Variants in RBFOX3 observed in about 807,000 individuals in gnomAD.
The protein encoded by RBFOX3 is RNA binding fox-1 homolog 3.
Under a neutral mutation model 48.7 loss-of-function variants are expected in RBFOX3, and 17 were observed. That is an observed-to-expected ratio of 0.35 (90% CI 0.24 to 0.52). RBFOX3 has a LOEUF of 0.52. RBFOX3 is among the 20% of genes least tolerant of loss of function. RBFOX3 has a pLI of 0.94. For missense variants in RBFOX3, 382 were observed against 497.5 expected (o/e 0.77, Z 2.21); for synonymous variants, 212 against 209.5 (o/e 1.01, Z -0.10).
At position 79,225,103 on chromosome 17, in the gene RBFOX3, A is replaced by G. The variant is rs756957718; in HGVS notation, c.-34+10663T>C. ...TTCACACACGTCACCTATGCAAAAC[A>G]TGCCCCTGCCTTTCCACCATCCAGT... On this transcript the variant is annotated intron_variant, in intron 4 of 14. Coordinates refer to ENST00000693108, the MANE Select transcript of RBFOX3 (RefSeq NM_001350451.2). Among the ~76,000 whole-genome samples the G allele has an allele frequency of 1.1e-4, 16 of 152,110 alleles. 1 individual carries two copies. The highest frequency in any genetic ancestry group is 8.3e-4 in the South Asian group (4 of 4,830).
chr17:79,350,150 G>A (rs1049379382), intron 2 of RBFOX3, among the ~76,000 whole-genome samples: 3 of 152,168 alleles, frequency 2.0e-5, no homozygotes, highest in African/African-American at 7.2e-5. Context: ...CCCTGTCCGT[G>A]GCATTGTCCA....
At position 79,362,308 on chromosome 17, in the gene RBFOX3, C is replaced by T. The variant is rs547682710; in HGVS notation, c.-174-54484G>A. Among the ~76,000 whole-genome samples, 11 of 152,352 alleles carry T rather than the reference C, an allele frequency of 7.2e-5. No homozygotes were observed. The highest frequency in any genetic ancestry group is 6.8e-3 in the Middle Eastern group (2 of 294). ...CTGCGTTTCTCTGAAGCCAGAATCC[C>T]GGCCCTTCAGGGCTTGGCTGAGATC... On this transcript the variant is annotated intron_variant, in intron 2 of 14. Transcript: ENST00000693108. The surrounding 1 kb of genome is among the most constrained non-coding windows in gnomAD (Gnocchi z 4.2).
intron 1 of RBFOX3, among the ~76,000 whole-genome samples, chr17:79,567,290 TC>T (rs1387222943): frequency 6.6e-6 from 1 of 151,130 alleles, no homozygotes; most frequent in Non-Finnish European, 1.5e-5. Context: ...TTCAAGCGAT[TC>T]TCCTGAGTCA....
At chr17:79,445,886 G>C (rs1355137349) in intron 2 of RBFOX3, among the ~76,000 whole-genome samples, 1 of 152,232 alleles carries the variant, frequency 6.6e-6, no homozygotes, top group Admixed American at 6.5e-5. Flanking sequence ...ACCTAGGGCA[G>C]GGGCCCTCCA....
intron 3 of RBFOX3, among the ~76,000 whole-genome samples, chr17:79,284,332 A>C (rs2071334759): frequency 6.6e-6 from 1 of 152,046 alleles, no homozygotes; most frequent in South Asian, 2.1e-4. Flanking sequence ...AGTAAAACCT[A>C]GGTTACAATA....
chr17:79,248,040 G>T (rs2063412005), intron 3 of RBFOX3, among the ~76,000 whole-genome samples: 1 of 152,248 alleles, frequency 6.6e-6, no homozygotes, highest in Non-Finnish European at 1.5e-5. Context: ...GTCACAGCAG[G>T]AGCTGCTCAG....
intron 2 of RBFOX3, among the ~76,000 whole-genome samples, chr17:79,442,240 AGAGAGAGAGAGAGAGAGAGAG>A: frequency 1.7e-4 from 1 of 5,716 alleles, no homozygotes; most frequent in Admixed American, 2.5e-3. Flanking sequence ...AGAGAGAGAG[AGAGAGAGAGAGAGAGAGAGAG>A]AGAGAGAGAG....
rs114372392 is a variant in RBFOX3, at chr17:79,403,142, G to A, written c.-175+79312C>T. Among the ~76,000 whole-genome samples the A allele has an allele frequency of 1.7e-3, 254 of 152,260 alleles. 1 individual carries two copies. The highest frequency in any genetic ancestry group is 5.6e-3 in the African/African-American group (233 of 41,562). ...AGGAAGACTTGGCTCCCTCCCCCTCGCTGGGGCCCTGAACAGGCCTCCCTT... is the reference window on the plus strand; with the variant it reads ...AGGAAGACTTGGCTCCCTCCCCCTCACTGGGGCCCTGAACAGGCCTCCCTT... On this transcript the variant is annotated intron_variant, in intron 2 of 14. Transcript: ENST00000693108.
intron 1 of RBFOX3, among the ~76,000 whole-genome samples, chr17:79,510,163 G>A (rs1435257921): frequency 1.3e-5 from 2 of 152,070 alleles, no homozygotes; most frequent in Admixed American, 6.5e-5. Flanking sequence ...TGCAGTGGAC[G>A]GGTGGTGGAA....
chr17:79,332,950 G>A lies in RBFOX3; in HGVS notation c.-174-25126C>T, dbSNP rs117135188. ...GACAGATAGACAGACACAGAGAAAC[G>A]GGAGGGAAAGAGACAGACAGAAAGA... is the stretch of plus-strand genomic sequence containing the variant. On this transcript the variant is annotated intron_variant, in intron 2 of 14. Transcript: ENST00000693108. 5.0e-4 allele frequency among the ~76,000 whole-genome samples: 76 copies of A among 150,992 alleles called. No individual in the cohort carries two copies. The East Asian group carries it at 0.014, about 28-fold the overall frequency.
At chr17:79,442,402 AAAGAGAGAC>A (rs2071324894) in intron 2 of RBFOX3, among the ~76,000 whole-genome samples, 1 of 127,340 alleles carries the variant, frequency 7.9e-6, no homozygotes, top group African/African-American at 3.2e-5. Context: ...AGAGAGAGAG[AAAGAGAGAC>A]AGAGAGAGAG....
chr17:79,193,459 C>T (rs1244140279), intron 4 of RBFOX3, among the ~76,000 whole-genome samples: 1 of 152,166 alleles, frequency 6.6e-6, no homozygotes, highest in South Asian at 2.1e-4. Context: ...CGCCAACCCC[C>T]TACTGCTGTT....
Position 79,555,171 on chromosome 17 carries a change from T to C in RBFOX3, c.-320+55655A>G, listed in dbSNP as rs1337614987. On this transcript the variant is annotated intron_variant, in intron 1 of 14. Coordinates refer to ENST00000693108, the MANE Select transcript of RBFOX3 (RefSeq NM_001350451.2). ...GGGAGAAGAGTATCCATATCCCCAA[T>C]GGATGACTGTAAAAATCACATGGGT... Among the ~76,000 whole-genome samples, 13 of 152,340 alleles carry C rather than the reference T, an allele frequency of 8.5e-5. No homozygotes were observed. The East Asian group carries it at 2.5e-3, about 29-fold the overall frequency.
the RBFOX3 span, among the ~76,000 whole-genome samples, chr17:79,630,221 A>C: frequency 6.6e-6 from 1 of 152,228 alleles, no homozygotes; most frequent in African/African-American, 2.4e-5. Flanking sequence ...AGAACCCCGC[A>C]GAGTCTCAGG....
rs1325078190 is a variant in RBFOX3 at position 79,477,699 on chromosome 17, G to A, written c.-175+4755C>T. 6.6e-6 allele frequency among the ~76,000 whole-genome samples: 1 copy of A among 152,206 alleles called. No homozygotes were observed. Among genetic ancestry groups the A allele is most frequent in the Admixed American group, 6.5e-5 (1 of 15,284 alleles). ...CTGGTGGTGAACAAGCAAAGGGGCAGGGTGGCAGAATTAGGCAGGATCAGA... is the reference window on the plus strand; with the variant it reads ...CTGGTGGTGAACAAGCAAAGGGGCAAGGTGGCAGAATTAGGCAGGATCAGA... On this transcript the variant is annotated intron_variant, in intron 2 of 14. Transcript: ENST00000693108. This position sits in a 1 kb window ranked among gnomAD's most constrained non-coding sequence, Gnocchi z 4.8.
At chr17:79,426,814 C>T (rs2067479508) in intron 2 of RBFOX3, among the ~76,000 whole-genome samples, 1 of 152,170 alleles carries the variant, frequency 6.6e-6, no homozygotes, top group South Asian at 2.1e-4. Context: ...AAGGGATTCT[C>T]CTGCCTCAGC....
chr17:79,660,753 A>C, the RBFOX3 span, among the ~76,000 whole-genome samples: 1 of 152,224 alleles, frequency 6.6e-6, no homozygotes, highest in Non-Finnish European at 1.5e-5. Context: ...CAGAAATACC[A>C]GTTGACCCAG....
chr17:79,097,057 G>A (rs1040590994), intron 11 of RBFOX3, among the ~76,000 whole-genome samples: 3 of 152,090 alleles, frequency 2.0e-5, no homozygotes, highest in Non-Finnish European at 4.4e-5. Context: ...ACAAGGTTCT[G>A]GGGCTCTGAA....
chr17:79,590,654 A>G (rs2093389506), intron 1 of RBFOX3, among the ~76,000 whole-genome samples: 1 of 152,178 alleles, frequency 6.6e-6, no homozygotes, highest in African/African-American at 2.4e-5. Context: ...AATCCAGGAT[A>G]CCAATGAAGT....
Sources: allele counts gnomAD v4.1 joint callset (sites outside exome capture counted in the v4.1 genomes callset), GRCh38; gene constraint gnomAD v4.1.1; non-coding constraint Gnocchi (gnomAD v3.1); transcripts MANE v1.5; gene names NCBI Gene and HGNC (gene_info 2026-07-23, HGNC 2026-07-21).